The following CXCL5 variants were observed in gnomAD, a reference collection of about 807,000 sequenced individuals.
CXCL5 encodes C-X-C motif chemokine 5.
CXCL5 carries 13 observed loss-of-function variants against 12.1 expected under a neutral mutation model. The ratio of observed to expected loss-of-function variants is 1.08; its 90% confidence interval spans 0.70 to 1.71. The LOEUF (loss-of-function observed/expected upper bound fraction) is 1.71. CXCL5 is among the 40% of genes most tolerant of loss of function. The probability of loss-of-function intolerance (pLI) is 0.00; values close to 1 mark genes in which losing one functional copy is unlikely to be tolerated. For missense variants in CXCL5, 159 were observed against 142.4 expected (o/e 1.12, Z -0.59); for synonymous variants, 67 against 59.0 (o/e 1.14, Z -0.62).
At position 73,996,703 on chromosome 4, in the gene CXCL5, T is replaced by C. The variant is rs201727036; in HGVS notation, c.*934A>G. 5.9e-5 allele frequency: 9 copies of C among 152,658 alleles called. No individual in the cohort carries two copies. Among genetic ancestry groups the C allele is most frequent in the Admixed American group, 4.6e-4 (7 of 15,282 alleles). The allele number at this position is 152,658 out of a possible 1,614,324, so 9.5% of individuals were successfully genotyped here. A position where few individuals can be genotyped will look rare whatever the true frequency, so the allele number is the denominator to read the frequency against. On this transcript the variant is annotated 3_prime_UTR_variant, in exon 4 of 4. Transcript: ENST00000296027. ...TTTTTATAACTAAATGATAAATTTA[T>C]ATTCAAATTGTTTGAATACGTTTCC...
Position 73,997,543 on chromosome 4 carries a change from T to G in CXCL5, c.*94A>C. 1.1e-6 allele frequency: 1 copy of G among 929,196 alleles called. No homozygotes were observed. Among genetic ancestry groups the G allele is most frequent in the African/African-American group, 1.7e-5 (1 of 59,500 alleles). 57.6% of individuals were successfully genotyped at this position (929,196 alleles called of 1,614,324 possible). On this transcript the variant is annotated 3_prime_UTR_variant, in exon 4 of 4. Transcript: ENST00000296027. ...AACAAATAAACAAACAACAACAAAATCTTTCCTTCTTGTCTTCCCTGGGTT... is the reference window on the plus strand; with the variant it reads ...AACAAATAAACAAACAACAACAAAAGCTTTCCTTCTTGTCTTCCCTGGGTT...
chr4:73,998,050 G>C lies in CXCL5; in HGVS notation c.288C>G (p.Ala96=), dbSNP rs1560549323. The stretch of plus-strand genomic sequence containing the variant: ...TCTGGATGACTTTCTTTAGAAAAGG[G>C]GCTTCTGGATCAAGACAAATTTCCT... ...NGKEICLDPE[A]PFLKKVIQKI... The change falls in exon 3 of 4, where the codon GCC becomes GCG. Residue 96 remains alanine (A), a synonymous_variant. Coordinates refer to ENST00000296027, the MANE Select transcript of CXCL5 (RefSeq NM_002994.5). 1 of 1,614,092 alleles carries C rather than the reference G, an allele frequency of 6.2e-7. No individual in the cohort carries two copies.
At chr4:73,997,796 T>A in intron 3 of CXCL5, 141 bp from the exon 4 acceptor site, 1 of 778,888 alleles carries the variant, frequency 1.3e-6, no homozygotes, top group Non-Finnish European at 2.1e-6. Flanking sequence ...ACAAAAAACA[T>A]AACTTAGTGA....
chr4:73,998,183 G>A (rs952391441), intron 2 of CXCL5, 23 bp downstream of exon 2: 2 of 1,614,062 alleles, frequency 1.2e-6, no homozygotes, highest in South Asian at 1.1e-5. Flanking sequence ...AGGTCACAGC[G>A]GACACAGCAG....
rs1719212392 is a variant in CXCL5, at chr4:73,997,186, A to G, written c.*451T>C. On this transcript the variant is annotated 3_prime_UTR_variant, in exon 4 of 4. Coordinates refer to ENST00000296027, the MANE Select transcript of CXCL5 (RefSeq NM_002994.5). The stretch of plus-strand genomic sequence containing the variant: ...TCCTATTTCTTATAAAAGTGAAGAT[A>G]ACAGTGTATTTCCATCAACAGAATT... 6.4e-6 allele frequency: 1 copy of G among 155,364 alleles called. No homozygotes were observed. The highest frequency in any genetic ancestry group is 1.9e-4 in the East Asian group (1 of 5,324). 9.6% of individuals were successfully genotyped at this position (155,364 alleles called of 1,614,324 possible). A position where few individuals can be genotyped will look rare whatever the true frequency, so the allele number is the denominator to read the frequency against.
At chr4:73,998,409 G>T (rs1414976889) in intron 1 of CXCL5, 64 bp downstream of exon 1, 6 of 1,606,978 alleles carry the variant, frequency 3.7e-6, no homozygotes, top group East Asian at 2.2e-5. Flanking sequence ...CAGCGACCCC[G>T]CAGAGGCTGG....
Position 73,996,436 on chromosome 4 carries a change from G to A in CXCL5, c.*1201C>T, listed in dbSNP as rs1013728659. On this transcript the variant is annotated 3_prime_UTR_variant, in exon 4 of 4. Transcript: ENST00000296027. Reference sequence around the variant, plus strand: ...TCTGTGAAAGGGGCCAAAGCTGTGAGTGGGGAGGGAACTTGCCCCAGCGTG... The same window carrying A: ...TCTGTGAAAGGGGCCAAAGCTGTGAATGGGGAGGGAACTTGCCCCAGCGTG... 1 of 152,594 alleles carries A rather than the reference G, an allele frequency of 6.6e-6. No individual in the cohort carries two copies. Among genetic ancestry groups the A allele is most frequent in the Non-Finnish European group, 1.5e-5 (1 of 68,044 alleles). 9.5% of individuals were successfully genotyped at this position (152,594 alleles called of 1,614,324 possible).
rs534636782 is a variant in CXCL5, at chr4:73,998,028, G to A, written c.310C>T (p.Gln104Ter). 6.2e-7 allele frequency: 1 copy of A among 1,614,076 alleles called. No individual in the cohort carries two copies. Among genetic ancestry groups the A allele is most frequent in the Admixed American group, 1.7e-5 (1 of 60,012 alleles). ...PEAPFLKKVI[Q>*]KILDGGNKEN ...GACAAGTACCCGTCCAAAATTTTCT[G>A]GATGACTTTCTTTAGAAAAGGGGCT... The change falls in exon 3 of 4, where the codon CAG (glutamine) becomes TAG (stop). Residue 104 changes from glutamine to a stop codon, truncating the protein, a stop_gained. Coordinates refer to ENST00000296027, the MANE Select transcript of CXCL5 (RefSeq NM_002994.5). LOFTEE classifies it high-confidence loss of function.
Position 73,996,251 on chromosome 4 carries a change from C to G in CXCL5, c.*1386G>C, listed in dbSNP as rs200254065. On this transcript the variant is annotated 3_prime_UTR_variant, in exon 4 of 4. Coordinates refer to ENST00000296027, the MANE Select transcript of CXCL5 (RefSeq NM_002994.5). ...TTCATTACCGCATCTTCCCCCACCC[C>G]CAACCCCAGTGTGTCCCACCAGGAC... 6.6e-6 allele frequency: 1 copy of G among 152,666 alleles called. No homozygotes were observed. Among genetic ancestry groups the G allele is most frequent in the South Asian group, 2.1e-4 (1 of 4,836 alleles). The allele number at this position is 152,666 out of a possible 1,614,324, so 9.5% of individuals were successfully genotyped here. A position where few individuals can be genotyped will look rare whatever the true frequency, so the allele number is the denominator to read the frequency against.
Position 73,996,558 on chromosome 4 carries a change from G to C in CXCL5, c.*1079C>G, listed in dbSNP as rs994361430. ...AACCCATACAGAGGGATAAAAAATTGACATCCCTTGGACAACTTCTCCTTG... is the reference window on the plus strand; with the variant it reads ...AACCCATACAGAGGGATAAAAAATTCACATCCCTTGGACAACTTCTCCTTG... On this transcript the variant is annotated 3_prime_UTR_variant, in exon 4 of 4. Transcript: ENST00000296027. 1 of 152,382 alleles carries C rather than the reference G, an allele frequency of 6.6e-6. No individual in the cohort carries two copies. Among genetic ancestry groups the C allele is most frequent in the African/African-American group, 2.4e-5 (1 of 41,348 alleles). 9.4% of individuals were successfully genotyped at this position (152,382 alleles called of 1,614,324 possible).
In CXCL5 at chr4:73,998,509, G is replaced by C; in HGVS notation, c.73C>G (p.Leu25Val). ...SSSLCALLVL[L>V]LLLTQPGPIA... ...GGCCCTGGCTGCGTCAGCAGCAGCAGCAGCACCAACAGCGCGCACAAGGAG... is the reference window on the plus strand; with the variant it reads ...GGCCCTGGCTGCGTCAGCAGCAGCACCAGCACCAACAGCGCGCACAAGGAG... The change falls in exon 1 of 4, where the codon CTG becomes GTG. Residue 25 changes from leucine to valine, a missense_variant. Coordinates refer to ENST00000296027, the MANE Select transcript of CXCL5 (RefSeq NM_002994.5). The C allele has an allele frequency of 6.3e-7, 1 of 1,597,512 alleles. No homozygotes were observed. The highest frequency in any genetic ancestry group is 8.5e-7 in the Non-Finnish European group (1 of 1,171,640).
rs199526761 is a variant in CXCL5, at chr4:73,997,620, G to C, written c.*17C>G. On this transcript the variant is annotated 3_prime_UTR_variant, in exon 4 of 4. Coordinates refer to ENST00000296027, the MANE Select transcript of CXCL5 (RefSeq NM_002994.5). ...TGAAGACTGGGAAACTTTTCCATGC[G>C]TGCTCATTTCTCTTAATCAGTTTTC... 3 of 1,605,596 alleles carry C rather than the reference G, an allele frequency of 1.9e-6. No individual in the cohort carries two copies. Among genetic ancestry groups the C allele is most frequent in the Non-Finnish European group, 2.6e-6 (3 of 1,175,060 alleles).
chr4:73,997,774 A>C (rs1378260130), intron 3 of CXCL5, 119 bp from the exon 4 acceptor site: 24 of 859,798 alleles, frequency 2.8e-5, no homozygotes, highest in Non-Finnish European at 4.2e-5. Flanking sequence ...AATCAATAAA[A>C]GCAATGGGTA....
rs1255797105 is a variant in CXCL5 at position 73,998,271 on chromosome 4, A to G, written c.177T>C (p.His59=). The G allele has an allele frequency of 1.2e-6, 2 of 1,614,118 alleles. No homozygotes were observed. The highest frequency in any genetic ancestry group is 8.5e-7 in the Non-Finnish European group (1 of 1,180,008). ...CVCLQTTQGV[H]PKMISNLQVF... is the part of the protein sequence containing the mutation. ...CTTGCAGATTACTGATCATTTTGGG[A>G]TGAACTCCTTGCGTGGTCTGTAAAC... Residue 59 remains histidine, a synonymous_variant, in exon 2 of 4, where the codon CAT becomes CAC. Transcript: ENST00000296027.
At position 73,998,093 on chromosome 4, in the gene CXCL5, G is replaced by T; in HGVS notation, c.245C>A (p.Ala82Asp). The change falls in exon 3 of 4, where the codon GCC (alanine) becomes GAC (aspartate). Residue 82 changes from alanine (A) to aspartate (D), a missense_variant and splice_region_variant. Ala to Asp is a moderately radical substitution (Grantham distance 126). Coordinates refer to ENST00000296027, the MANE Select transcript of CXCL5 (RefSeq NM_002994.5). ...AATTTCCTTCCCGTTCTTCAGGGAG[G>T]CTCTGAAGGAAAGAAAAAGAAGATA... ...GPQCSKVEVV[A>D]SLKNGKEICL... The T allele has an allele frequency of 6.2e-7, 1 of 1,613,520 alleles. No homozygotes were observed. Among genetic ancestry groups the T allele is most frequent in the Non-Finnish European group, 8.5e-7 (1 of 1,179,844 alleles).
Position 73,996,253 on chromosome 4 carries a change from AACCCCAGTGTGTCCCACCAGGACT to A in CXCL5, c.*1360_*1383del, listed in dbSNP as rs1719189570. ...CATTACCGCATCTTCCCCCACCCCC[AACCCCAGTGTGTCCCACCAGGACT>A]AGAACAGGCTTTACATTCAGACAGA... On this transcript the variant is annotated 3_prime_UTR_variant, in exon 4 of 4. Transcript: ENST00000296027. 1 of 152,520 alleles carries A rather than the reference AACCCCAGTGTGTCCCACCAGGACT, an allele frequency of 6.6e-6. No homozygotes were observed. The highest frequency in any genetic ancestry group is 1.9e-4 in the East Asian group (1 of 5,194). 9.4% of individuals were successfully genotyped at this position (152,520 alleles called of 1,614,324 possible).
rs559608850 is a variant in CXCL5, at chr4:73,998,537, C to G, written c.45G>C (p.Ser15=). The G allele has an allele frequency of 2.5e-6, 4 of 1,596,102 alleles. No homozygotes were observed. The highest frequency in any genetic ancestry group is 1.3e-5 in the African/African-American group (1 of 74,536). The change falls in exon 1 of 4, where the codon TCG becomes TCC. Residue 15 remains serine (S), a synonymous_variant. Transcript: ENST00000296027. ...GCACCAACAGCGCGCACAAGGAGCT[C>G]GAAGGACCGGGGACACGGGCCGCGC... ...SSRAARVPGP[S]SSLCALLVLL...
chr4:73,997,246 C>A lies in CXCL5; in HGVS notation c.*391G>T, dbSNP rs965448246. 3 of 176,546 alleles carry A rather than the reference C, an allele frequency of 1.7e-5. No individual in the cohort carries two copies. The highest frequency in any genetic ancestry group is 3.5e-5 in the Non-Finnish European group (3 of 84,798). The allele number at this position is 176,546 out of a possible 1,614,324, so 10.9% of individuals were successfully genotyped here. On this transcript the variant is annotated 3_prime_UTR_variant, in exon 4 of 4. Coordinates refer to ENST00000296027, the MANE Select transcript of CXCL5 (RefSeq NM_002994.5). ...CATCATTTCCACATTAAATCCACAG[C>A]CTTCTCAGTTAATATCTTAAGGAAT...
At position 73,997,986 on chromosome 4, in the gene CXCL5, A is replaced by T. The variant is rs775817309; in HGVS notation, c.326+26T>A. ...TGGTCTCCCTAGATCAGATTTAGAA[A>T]CCACAAAGATCAAAGTGACAAGTAC... On this transcript the variant is annotated intron_variant, in intron 3 of 3. Transcript: ENST00000296027. 1.9e-6 allele frequency: 3 copies of T among 1,589,162 alleles called. No individual in the cohort carries two copies. In the East Asian group the frequency reaches 6.7e-5, roughly 36 times the overall value.
Sources: gnomAD v4.1 joint callset for allele counts on GRCh38, gnomAD v4.1.1 for gene constraint, MANE v1.5 for transcripts, NCBI Gene and HGNC (gene_info 2026-07-23, HGNC 2026-07-21) for gene names.